ADCY10: variants seen among roughly 807,000 people sequenced by gnomAD.
ADCY10 encodes adenylate cyclase type 10.
ADCY10 carries 156 observed loss-of-function variants against 183.3 expected under a neutral mutation model. That is an observed-to-expected ratio of 0.85 (90% CI 0.75 to 0.97). ADCY10 has a LOEUF of 0.97. Ranked by LOEUF, ADCY10 falls within the 50% of genes least tolerant of loss-of-function variation. ADCY10 has a pLI of 0.00. For missense variants in ADCY10, 1,745 were observed against 1,934.3 expected, an observed-to-expected ratio of 0.90 and a Z score of 1.84; for synonymous variants, 645 against 670.0, an observed-to-expected ratio of 0.96 and a Z score of 0.58.
intron 26 of ADCY10, among the ~76,000 whole-genome samples, chr1:167,827,714 A>T (rs1663414933): frequency 1.3e-5 from 2 of 150,908 alleles, no homozygotes; most frequent in South Asian, 4.2e-4. Context: ...ATTTAAAAAA[A>T]AAAAATTTTT....
intron 18 of ADCY10, among the ~76,000 whole-genome samples, chr1:167,851,591 G>A (rs1326217073): frequency 6.6e-6 from 1 of 152,144 alleles, no homozygotes; most frequent in Non-Finnish European, 1.5e-5. Flanking sequence ...GGGAGGCCGA[G>A]GTGGGTGGAT....
chr1:167,903,918 G>T lies in ADCY10; in HGVS notation c.222C>A (p.Ile74=). The part of the protein sequence containing the change: ...MDRGAEQLVE[I]LNYHISAIVE... ...CTATTGCACTTATGTGGTAGTTGAG[G>T]ATCTCCACCAACTGCTCAGCCCCTC... The change falls in exon 3 of 33, where the codon ATC becomes ATA. Residue 74 remains isoleucine (I), a synonymous_variant. Transcript: ENST00000367851. 1 of 1,613,620 alleles carries T rather than the reference G, an allele frequency of 6.2e-7. No individual in the cohort carries two copies. The highest frequency in any genetic ancestry group is 8.5e-7 in the Non-Finnish European group (1 of 1,179,610).
intron 13 of ADCY10, among the ~76,000 whole-genome samples, chr1:167,872,689 G>T (rs571418541): frequency 4.6e-4 from 69 of 150,976 alleles, no homozygotes; most frequent in African/African-American, 1.6e-3. Flanking sequence ...ATCTGTGTTT[G>T]GTTATAGCTT....
intron 30 of ADCY10, chr1:167,819,775 G>T (rs1014328561): frequency 4.5e-5 from 21 of 463,664 alleles, no homozygotes; most frequent in Non-Finnish European, 6.5e-5. Context: ...ATGTTGGTCA[G>T]GCTGGTCTTG....
chr1:167,908,792 A>T (rs1345396970), intron 1 of ADCY10, among the ~76,000 whole-genome samples: 1 of 152,214 alleles, frequency 6.6e-6, no homozygotes, highest in East Asian at 1.9e-4. Flanking sequence ...AAATAATGAA[A>T]TTTCAAAAGA....
At chr1:167,817,716 C>T (rs2101842153) in intron 31 of ADCY10, among the ~76,000 whole-genome samples, 1 of 152,268 alleles carries the variant, frequency 6.6e-6, no homozygotes, top group South Asian at 2.1e-4. Flanking sequence ...GCCATACAAT[C>T]ATATATCTGT....
chr1:167,846,493 G>C (rs946460412), intron 19 of ADCY10, among the ~76,000 whole-genome samples: 5 of 152,208 alleles, frequency 3.3e-5, no homozygotes, highest in African/African-American at 1.2e-4. Context: ...ACAGCACAAT[G>C]ACCTGACAAA....
intron 8 of ADCY10, among the ~76,000 whole-genome samples, chr1:167,887,484 G>C (rs1249933100): frequency 6.6e-6 from 1 of 152,100 alleles, no homozygotes; most frequent in African/African-American, 2.4e-5. Context: ...TCATAGGTGG[G>C]AATTGAACAA....
intron 26 of ADCY10, among the ~76,000 whole-genome samples, chr1:167,826,976 T>A (rs142668373): frequency 2.4e-3 from 369 of 152,244 alleles, no homozygotes; most frequent in South Asian, 5.6e-3. Flanking sequence ...GGGGTCAATC[T>A]TGATGGGCTT....
At chr1:167,897,148 C>T (rs952031884) in intron 6 of ADCY10, among the ~76,000 whole-genome samples, 2 of 149,202 alleles carry the variant, frequency 1.3e-5, no homozygotes, top group Non-Finnish European at 3.0e-5. Context: ...GAGGATGGCA[C>T]GATCTCATTT....
chr1:167,841,230 G>C (rs1664614093), intron 21 of ADCY10, among the ~76,000 whole-genome samples: 2 of 152,086 alleles, frequency 1.3e-5, no homozygotes. Context: ...GTGAGCCACT[G>C]TGCCTGGCAA....
At chr1:167,900,986 C>T (rs1026903902) in intron 5 of ADCY10, among the ~76,000 whole-genome samples, 4 of 152,290 alleles carry the variant, frequency 2.6e-5, no homozygotes, top group Middle Eastern at 3.4e-3. Context: ...ACACCAACAG[C>T]ACCAACCATA....
In ADCY10 at chr1:167,903,977, T is replaced by C; in HGVS notation, c.163A>G (p.Thr55Ala). 1 of 1,613,194 alleles carries C rather than the reference T, an allele frequency of 6.2e-7. No homozygotes were observed. Among genetic ancestry groups the C allele is most frequent in the Non-Finnish European group, 8.5e-7 (1 of 1,179,336 alleles). Residue 55 changes from threonine (T) to alanine (A), a missense_variant, in exon 3 of 33, where the codon ACT becomes GCT. Coordinates refer to ENST00000367851, the MANE Select transcript of ADCY10 (RefSeq NM_018417.6). ...TACATGGCACTGCTGAACTTCTCAGTCATTGCAGTAAAACCTGGAATAAAT... is the reference window on the plus strand; with the variant it reads ...TACATGGCACTGCTGAACTTCTCAGCCATTGCAGTAAAACCTGGAATAAAT... ...FVDISGFTAMTEKFSSAMYMD... is the reference protein window; with the variant it reads ...FVDISGFTAMAEKFSSAMYMD...
intron 21 of ADCY10, among the ~76,000 whole-genome samples, chr1:167,843,255 A>C (rs1664782528): frequency 6.6e-6 from 1 of 152,236 alleles, no homozygotes; most frequent in Non-Finnish European, 1.5e-5. Context: ...AAACTGACCT[A>C]TATTCTAGCT....
chr1:167,879,654 T>G (rs1452357549), intron 11 of ADCY10, among the ~76,000 whole-genome samples: 1 of 152,192 alleles, frequency 6.6e-6, no homozygotes, highest in African/African-American at 2.4e-5. Flanking sequence ...GATGCATTAT[T>G]GCTGAAAATC....
chr1:167,881,668 A>G (rs997366479), intron 9 of ADCY10, among the ~76,000 whole-genome samples: 3 of 152,220 alleles, frequency 2.0e-5, no homozygotes, highest in Non-Finnish European at 4.4e-5. Context: ...CCTCACACAT[A>G]TTACATTATT....
chr1:167,876,325 G>C (rs973190751), intron 12 of ADCY10, among the ~76,000 whole-genome samples: 2 of 151,906 alleles, frequency 1.3e-5, no homozygotes, highest in South Asian at 4.2e-4. Context: ...GGCACAAAGA[G>C]TTTAATTGCC....
intron 14 of ADCY10, among the ~76,000 whole-genome samples, chr1:167,863,146 G>A (rs1666404877): frequency 6.6e-6 from 1 of 152,208 alleles, no homozygotes; most frequent in Non-Finnish European, 1.5e-5. Context: ...GGAAAGAAAA[G>A]TGAAATTAAA....
chr1:167,882,601 T>G (rs1667946962), intron 9 of ADCY10, among the ~76,000 whole-genome samples: 1 of 152,046 alleles, frequency 6.6e-6, no homozygotes, highest in Non-Finnish European at 1.5e-5. Flanking sequence ...GCAAGTGGGC[T>G]TTCTTGGAAA....
Sources: gnomAD v4.1 joint callset for allele counts (sites outside exome capture counted in the v4.1 genomes callset) on GRCh38, gnomAD v4.1.1 for gene constraint, MANE v1.5 for transcripts, NCBI Gene and HGNC (gene_info 2026-07-23, HGNC 2026-07-21) for gene names.